Variants in AGPS observed in about 807,000 individuals in gnomAD.
The protein encoded by AGPS is alkyldihydroxyacetonephosphate synthase, peroxisomal.
AGPS carries 26 observed loss-of-function variants against 90.7 expected under a neutral mutation model. The ratio of observed to expected loss-of-function variants is 0.29; its 90% CI spans 0.21 to 0.40. The LOEUF is 0.40. Among genes scored for constraint, AGPS ranks in the 10% least tolerant of loss-of-function variants. The pLI, the probability that AGPS is intolerant of heterozygous loss-of-function variation, is 1.00. For missense variants in AGPS, 540 were observed against 816.1 expected (o/e 0.66, Z 4.12); for synonymous variants, 294 against 285.3 (o/e 1.03, Z -0.31).
rs184411967 is a variant in AGPS, at chr2:177,468,963, G to A, written c.1105+439G>A. 2.0e-3 allele frequency among the ~76,000 whole-genome samples: 298 copies of A among 152,032 alleles called. 2 individuals carry two copies. The highest frequency in any genetic ancestry group is 6.8e-3 in the African/African-American group (284 of 41,536). Reference sequence around the variant, plus strand: ...ATTAGAAGTGGAATTTAAAATTCTGGTTCACATATATTTTAAACTTTTGTT... The same window carrying A: ...ATTAGAAGTGGAATTTAAAATTCTGATTCACATATATTTTAAACTTTTGTT... On this transcript the variant is annotated intron_variant, in intron 10 of 19. Coordinates refer to ENST00000264167, the MANE Select transcript of AGPS (RefSeq NM_003659.4).
intron 11 of AGPS, among the ~76,000 whole-genome samples, chr2:177,484,931 A>T (rs1243356061): frequency 6.6e-6 from 1 of 151,110 alleles, no homozygotes; most frequent in Non-Finnish European, 1.5e-5. Context: ...TACCTGGCTA[A>T]TTTTTTTTTA....
chr2:177,534,153 G>A (rs922113855), intron 19 of AGPS, among the ~76,000 whole-genome samples: 1 of 152,192 alleles, frequency 6.6e-6, no homozygotes, highest in Admixed American at 6.5e-5. Context: ...GGTAGTTTCT[G>A]CTAAATCTTC....
chr2:177,453,813 A>G (rs55720174), intron 8 of AGPS, among the ~76,000 whole-genome samples: 1 of 134,768 alleles, frequency 7.4e-6, no homozygotes, highest in Middle Eastern at 4.2e-3. Context: ...TCAGCCTCCC[A>G]AGTAGCTGGG....
intron 18 of AGPS, among the ~76,000 whole-genome samples, chr2:177,521,674 T>C (rs767205074): frequency 3.3e-5 from 5 of 152,192 alleles, no homozygotes; most frequent in Non-Finnish European, 5.9e-5. Flanking sequence ...AGATATCACT[T>C]TCACAGCCCA....
In AGPS at chr2:177,483,775, GGA is replaced by G. The variant is rs140123337; in HGVS notation, c.1233+1590_1233+1591del. Among the ~76,000 whole-genome samples, 986 of 152,218 alleles carry G rather than the reference GGA, an allele frequency of 6.5e-3. 8 individuals carry two copies. Among genetic ancestry groups the G allele is most frequent in the African/African-American group, 0.023 (945 of 41,536 alleles). On this transcript the variant is annotated intron_variant, in intron 11 of 19. Transcript: ENST00000264167. The stretch of plus-strand genomic sequence containing the variant: ...CATTAAAGGATTATTAAGTAGAGGA[GGA>G]TTGGAGATAAGTTTTTGGAGTAAAT...
At chr2:177,519,514 G>C (rs1689119371) in intron 17 of AGPS, among the ~76,000 whole-genome samples, 1 of 152,152 alleles carries the variant, frequency 6.6e-6, no homozygotes, top group Admixed American at 6.5e-5. Context: ...ATACAGCTTA[G>C]AAGAGTTTCT....
intron 11 of AGPS, among the ~76,000 whole-genome samples, chr2:177,491,837 G>C (rs180924046): frequency 1.4e-5 from 2 of 138,536 alleles, no homozygotes; most frequent in African/African-American, 5.5e-5. Context: ...CCAGGCTGGA[G>C]TGCAGTGGCA....
At chr2:177,404,947 G>A (rs1007204749) in intron 1 of AGPS, among the ~76,000 whole-genome samples, 1 of 152,148 alleles carries the variant, frequency 6.6e-6, no homozygotes, top group Non-Finnish European at 1.5e-5. Context: ...AGGGATATTT[G>A]TTATAAGTAT....
At position 177,495,935 on chromosome 2, in the gene AGPS, AAAAC is replaced by A. The variant is rs1389590974; in HGVS notation, c.1286-1749_1286-1746del. Among the ~76,000 whole-genome samples the A allele has an allele frequency of 2.2e-3, 334 of 148,622 alleles. 3 individuals are homozygous for A. The highest frequency in any genetic ancestry group is 7.9e-3 in the African/African-American group (317 of 40,070). On this transcript the variant is annotated intron_variant, in intron 12 of 19. Transcript: ENST00000264167. ...TCTGTCTCAAAAAAAAAAAAAAAAA[AAAAC>A]AAACCCACAATAGCTAGAATATATT...
chr2:177,471,888 A>G (rs887340751), intron 10 of AGPS, among the ~76,000 whole-genome samples: 24 of 152,256 alleles, frequency 1.6e-4, no homozygotes, highest in African/African-American at 5.1e-4. Context: ...TATTATTTTA[A>G]AGAAATATGA....
intron 8 of AGPS, among the ~76,000 whole-genome samples, chr2:177,457,976 A>G (rs1217959237): frequency 6.6e-6 from 1 of 152,344 alleles, no homozygotes; most frequent in East Asian, 1.9e-4. Context: ...CAGCACATCA[A>G]AAAGCTTATC....
At chr2:177,515,739 A>G (rs925596531) in intron 17 of AGPS, among the ~76,000 whole-genome samples, 9 of 152,188 alleles carry the variant, frequency 5.9e-5, no homozygotes, top group African/African-American at 2.2e-4. Flanking sequence ...ATTAAATAGC[A>G]GTAGCTATGT....
chr2:177,418,071 C>T (rs941656163), intron 1 of AGPS, among the ~76,000 whole-genome samples: 7 of 151,842 alleles, frequency 4.6e-5, no homozygotes, highest in African/African-American at 1.7e-4. Context: ...TTCCAAATGC[C>T]TACATTCAAC....
At chr2:177,487,037 T>G (rs1473500847) in intron 11 of AGPS, among the ~76,000 whole-genome samples, 1 of 152,138 alleles carries the variant, frequency 6.6e-6, no homozygotes, top group African/African-American at 2.4e-5. Flanking sequence ...GAAAATAATG[T>G]TTTTTAATCA....
rs1046647430 is a variant in AGPS at position 177,542,869 on chromosome 2, A to G, written c.*4674A>G. On this transcript the variant is annotated 3_prime_UTR_variant, in exon 20 of 20. Transcript: ENST00000264167. ...GATTTTTTTTTTCCATGAACTAGCC[A>G]TTATTTTAAATGAGTGGGAGAGGGT... 10 of 152,072 alleles carry G rather than the reference A, an allele frequency of 6.6e-5. No homozygotes were observed. Among genetic ancestry groups the G allele is most frequent in the Non-Finnish European group, 1.2e-4 (8 of 68,000 alleles). 9.4% of individuals were successfully genotyped at this position (152,072 alleles called of 1,614,324 possible).
At chr2:177,431,634 T>C (rs1686247735) in intron 2 of AGPS, among the ~76,000 whole-genome samples, 1 of 152,176 alleles carries the variant, frequency 6.6e-6, no homozygotes, top group Non-Finnish European at 1.5e-5. Flanking sequence ...ATTATTAATA[T>C]TCCTTGCTGG....
intron 2 of AGPS, among the ~76,000 whole-genome samples, chr2:177,434,015 C>T (rs949967535): frequency 2.0e-5 from 3 of 152,138 alleles, no homozygotes; most frequent in Non-Finnish European, 2.9e-5. Flanking sequence ...GAGGCACCAG[C>T]TGGGGCCTGC....
At chr2:177,430,744 A>G (rs1033021553) in intron 2 of AGPS, among the ~76,000 whole-genome samples, 1 of 151,984 alleles carries the variant, frequency 6.6e-6, no homozygotes, top group African/African-American at 2.4e-5. Context: ...TTCAGTTGCT[A>G]TTTTCATTCT....
chr2:177,471,541 T>C (rs974275269), intron 10 of AGPS, among the ~76,000 whole-genome samples: 1 of 152,220 alleles, frequency 6.6e-6, no homozygotes, highest in Non-Finnish European at 1.5e-5. Context: ...ATTTACTATA[T>C]ATGGATTTGC....
Sources: gnomAD v4.1 joint callset for allele counts (sites outside exome capture counted in the v4.1 genomes callset) on GRCh38, gnomAD v4.1.1 for gene constraint, MANE v1.5 for transcripts, NCBI Gene and HGNC (gene_info 2026-07-23, HGNC 2026-07-21) for gene names.